SH3KBP1: variants seen among roughly 807,000 people sequenced by gnomAD.
SH3KBP1 encodes SH3 domain containing kinase binding protein 1.
SH3KBP1 carries 8 observed loss-of-function variants against 50.1 expected under a neutral mutation model. The observed-to-expected ratio is 0.16, with a 90% CI of 0.09 to 0.29. SH3KBP1 has a LOEUF of 0.29. SH3KBP1 is among the 10% of genes least tolerant of loss of function. The pLI is 1.00. For synonymous variants in SH3KBP1, 227 were observed against 218.6 expected (o/e 1.04, Z -0.34); for missense variants, 377 against 535.2 (o/e 0.70, Z 2.92).
At chrX:19,571,890 C>T (rs761921413) in intron 12 of SH3KBP1, among the ~76,000 whole-genome samples, 18 of 108,831 alleles carry the variant, frequency 1.7e-4, no homozygotes, top group African/African-American at 6.0e-4. Flanking sequence ...CTGTGGGCAG[C>T]TGGGGTTAAG....
At chrX:19,719,106 G>C (rs1376749649) in intron 3 of SH3KBP1, among the ~76,000 whole-genome samples, 1 of 111,884 alleles carries the variant, frequency 8.9e-6, no homozygotes, top group Non-Finnish European at 1.9e-5. Flanking sequence ...CTTTTCTCTA[G>C]CACTGTCCTC....
rs935089261 is a variant in SH3KBP1, at chrX:19,760,409, C to A, written c.163-13968G>T. Among the ~76,000 whole-genome samples, 383 of 97,320 alleles carry A rather than the reference C, an allele frequency of 3.9e-3. 1 individual carries two copies. Among genetic ancestry groups the A allele is most frequent in the African/African-American group, 9.9e-3 (235 of 23,820 alleles). The allele number at this position is 97,320 out of a possible 115,157, so 84.5% of individuals were successfully genotyped here. ...CTCAAAATAAATAAATACATACATA[C>A]ATACATACATACATACATACATACA... On this transcript the variant is annotated intron_variant, in intron 2 of 17. Coordinates refer to ENST00000397821, the MANE Select transcript of SH3KBP1 (RefSeq NM_031892.3).
intron 2 of SH3KBP1, among the ~76,000 whole-genome samples, chrX:19,834,908 G>T (rs906017284): frequency 2.7e-5 from 3 of 109,470 alleles, no homozygotes; most frequent in African/African-American, 3.3e-5. Context: ...GGTGGCACAT[G>T]CCTGTAATCC....
intron 1 of SH3KBP1, among the ~76,000 whole-genome samples, chrX:19,870,430 C>T (rs1488120232): frequency 9.0e-6 from 1 of 110,565 alleles, no homozygotes; most frequent in Non-Finnish European, 1.9e-5. Flanking sequence ...GCAGCCTCAA[C>T]CTGCCAGGCT....
intron 7 of SH3KBP1, among the ~76,000 whole-genome samples, chrX:19,637,126 C>A (rs1393157470): frequency 8.9e-6 from 1 of 112,222 alleles, no homozygotes; most frequent in African/African-American, 3.2e-5. Flanking sequence ...ACTGCATATA[C>A]CATATAATAC....
chrX:19,755,926 T>A (rs993726320), intron 2 of SH3KBP1, among the ~76,000 whole-genome samples: 1 of 111,706 alleles, frequency 9.0e-6, no homozygotes, highest in Non-Finnish European at 1.9e-5. Context: ...AAATCGATCA[T>A]GACCCTCTCA....
chrX:19,651,272 T>A (rs938243629), intron 6 of SH3KBP1, among the ~76,000 whole-genome samples: 1 of 110,987 alleles, frequency 9.0e-6, no homozygotes, highest in Non-Finnish European at 1.9e-5. Flanking sequence ...CATTAGAAAC[T>A]GTCATCTCAT....
At chrX:19,609,436 A>G (rs1260407414) in intron 8 of SH3KBP1, among the ~76,000 whole-genome samples, 1 of 112,001 alleles carries the variant, frequency 8.9e-6, no homozygotes, top group East Asian at 2.8e-4. Flanking sequence ...CCTATAGCAG[A>G]CTCCCAAGTC....
intron 6 of SH3KBP1, among the ~76,000 whole-genome samples, chrX:19,666,280 A>T (rs1399969972): frequency 8.9e-6 from 1 of 111,794 alleles, no homozygotes; most frequent in Admixed American, 9.5e-5. Flanking sequence ...GTTGCACAAA[A>T]GATAAATTCA....
intron 5 of SH3KBP1, among the ~76,000 whole-genome samples, chrX:19,691,703 A>G (rs1020367371): frequency 1.8e-5 from 2 of 111,260 alleles, no homozygotes; most frequent in Admixed American, 9.6e-5. Flanking sequence ...ATTTGGATAC[A>G]GACTCAAATG....
chrX:19,787,577 G>A (rs1440592099), intron 2 of SH3KBP1, among the ~76,000 whole-genome samples: 2 of 111,487 alleles, frequency 1.8e-5, no homozygotes, highest in Non-Finnish European at 3.8e-5. Context: ...ACATTCAGAA[G>A]GTGCCCGACA....
At chrX:19,575,768 TAG>T (rs1407241538) in intron 12 of SH3KBP1, among the ~76,000 whole-genome samples, 1 of 112,167 alleles carries the variant, frequency 8.9e-6, no homozygotes, top group African/African-American at 3.2e-5. Context: ...ACTGTATTTA[TAG>T]ACTCTTAGAA....
chrX:19,592,618 G>A (rs748613956), intron 10 of SH3KBP1, among the ~76,000 whole-genome samples: 2 of 112,041 alleles, frequency 1.8e-5, no homozygotes, highest in Admixed American at 9.5e-5. Flanking sequence ...CCAGTAAGAG[G>A]TGAGGTCTAC....
chrX:19,853,828 G>C (rs1024823697), intron 1 of SH3KBP1, among the ~76,000 whole-genome samples: 6 of 110,121 alleles, frequency 5.4e-5, no homozygotes, highest in African/African-American at 1.3e-4. Context: ...CGGGCGTGGT[G>C]GTGGGCGCCT....
intron 3 of SH3KBP1, among the ~76,000 whole-genome samples, chrX:19,732,981 T>A (rs1039908483): frequency 9.0e-6 from 1 of 111,425 alleles, no homozygotes; most frequent in African/African-American, 3.3e-5. Flanking sequence ...CTCAACAGAG[T>A]GACATCCCAT....
At position 19,552,447 on chromosome X, in the gene SH3KBP1, A is replaced by G. The variant is rs2065269700; in HGVS notation, c.1385-2364T>C. Among the ~76,000 whole-genome samples, 3 of 109,947 alleles carry G rather than the reference A, an allele frequency of 2.7e-5. No homozygotes were observed. In the South Asian group the frequency reaches 1.2e-3, roughly 43 times the overall value. On this transcript the variant is annotated intron_variant, in intron 13 of 17. Coordinates refer to ENST00000397821, the MANE Select transcript of SH3KBP1 (RefSeq NM_031892.3). Reference sequence around the variant, plus strand: ...CTCGGGAAGAGGAGAGAGGACAAAAACCCAAGGAGCAGATGCTGACTGGCA... The same window carrying G: ...CTCGGGAAGAGGAGAGAGGACAAAAGCCCAAGGAGCAGATGCTGACTGGCA...
chrX:19,880,865 G>A (rs941407639), intron 1 of SH3KBP1, among the ~76,000 whole-genome samples: 1 of 111,835 alleles, frequency 8.9e-6, no homozygotes, highest in Non-Finnish European at 1.9e-5. Flanking sequence ...GCTGGGGTAC[G>A]AGTGAAGGAG....
At chrX:19,698,756 C>T (rs2063479523) in intron 4 of SH3KBP1, among the ~76,000 whole-genome samples, 1 of 112,016 alleles carries the variant, frequency 8.9e-6, no homozygotes, top group African/African-American at 3.3e-5. Flanking sequence ...TGATACCTCA[C>T]ACTATCCCTC....
chrX:19,628,537 T>C (rs372625718), intron 8 of SH3KBP1, among the ~76,000 whole-genome samples: 2 of 111,464 alleles, frequency 1.8e-5, no homozygotes, highest in East Asian at 5.6e-4. Context: ...ATGGCACTTG[T>C]CATCTGAACA....
Sources: gnomAD v4.1 joint callset for allele counts (sites outside exome capture counted in the v4.1 genomes callset) on GRCh38, gnomAD v4.1.1 for gene constraint, MANE v1.5 for transcripts, NCBI Gene and HGNC (gene_info 2026-07-23, HGNC 2026-07-21) for gene names.